The following AUTS2 variants were observed in gnomAD, a reference collection of about 807,000 sequenced individuals.
AUTS2 encodes activator of transcription and developmental regulator AUTS2, also known as autism susceptibility gene 2 protein.
AUTS2 carries 17 observed loss-of-function variants against 112.4 expected under a neutral mutation model. The observed-to-expected ratio is 0.15, with a 90% CI of 0.10 to 0.23. AUTS2 has a LOEUF of 0.23. Among genes scored for constraint, AUTS2 ranks in the 10% least tolerant of loss-of-function variants. The pLI is 1.00. For missense variants in AUTS2, 1,510 were observed against 1,701.6 expected (o/e 0.89, Z 1.98); for synonymous variants, 751 against 702.7 (o/e 1.07, Z -1.09).
intron 6 of AUTS2, among the ~76,000 whole-genome samples, chr7:70,709,995 A>G (rs1279025166): frequency 6.6e-6 from 1 of 152,152 alleles, no homozygotes; most frequent in Non-Finnish European, 1.5e-5. Flanking sequence ...CAATTTGAAT[A>G]CCAGCTGTTA....
intron 5 of AUTS2, among the ~76,000 whole-genome samples, chr7:70,541,854 T>C (rs1006659573): frequency 6.6e-6 from 1 of 152,186 alleles, no homozygotes; most frequent in Non-Finnish European, 1.5e-5. Flanking sequence ...GGATTAAAGT[T>C]TGAGGTAGGC....
chr7:70,272,882 T>A (rs899796654), intron 4 of AUTS2, among the ~76,000 whole-genome samples: 5 of 152,112 alleles, frequency 3.3e-5, no homozygotes. Flanking sequence ...CCCAGCTACT[T>A]GGAAGGCTGT....
At chr7:70,126,773 G>A (rs777274443) in intron 3 of AUTS2, among the ~76,000 whole-genome samples, 6 of 152,142 alleles carry the variant, frequency 3.9e-5, no homozygotes, top group Non-Finnish European at 8.8e-5. Context: ...TTTAATAGAA[G>A]TTCTGCTATT....
intron 4 of AUTS2, among the ~76,000 whole-genome samples, chr7:70,309,595 A>G (rs1199646404): frequency 2.0e-5 from 3 of 152,228 alleles, no homozygotes; most frequent in Admixed American, 6.5e-5. Flanking sequence ...GATCACTTAA[A>G]GAGATTGCAG....
At chr7:70,317,386 C>G (rs894306461) in intron 4 of AUTS2, among the ~76,000 whole-genome samples, 6 of 152,172 alleles carry the variant, frequency 3.9e-5, no homozygotes, top group African/African-American at 1.4e-4. Context: ...AACAATATTA[C>G]AGGAATATTG....
At chr7:69,701,094 C>G (rs1005268655) in intron 1 of AUTS2, among the ~76,000 whole-genome samples, 1 of 152,110 alleles carries the variant, frequency 6.6e-6, no homozygotes, top group Non-Finnish European at 1.5e-5. Context: ...TACCTAACCT[C>G]TTTGTACCTC....
At chr7:70,393,147 A>C (rs898838245) in intron 4 of AUTS2, among the ~76,000 whole-genome samples, 2 of 152,174 alleles carry the variant, frequency 1.3e-5, no homozygotes, top group Non-Finnish European at 2.9e-5. Context: ...GTGCATTTGC[A>C]CAGCAGCCCC....
At chr7:69,745,358 G>A (rs1186119252) in intron 1 of AUTS2, among the ~76,000 whole-genome samples, 2 of 152,144 alleles carry the variant, frequency 1.3e-5, no homozygotes, top group African/African-American at 4.8e-5. Context: ...TTTACAGATG[G>A]AGCAGATGCC....
At chr7:70,734,306 G>T (rs1018078156) in intron 6 of AUTS2, among the ~76,000 whole-genome samples, 1 of 152,016 alleles carries the variant, frequency 6.6e-6, no homozygotes, top group African/African-American at 2.4e-5. Context: ...TGGGCATGGT[G>T]GCCGGTGCCT....
At chr7:69,961,921 A>C (rs1256863722) in intron 2 of AUTS2, among the ~76,000 whole-genome samples, 4 of 152,146 alleles carry the variant, frequency 2.6e-5, no homozygotes, top group Non-Finnish European at 5.9e-5. Flanking sequence ...AGTATCAAGG[A>C]GCACCTCTGT....
At chr7:69,711,828 T>G (rs948585022) in intron 1 of AUTS2, among the ~76,000 whole-genome samples, 1 of 152,196 alleles carries the variant, frequency 6.6e-6, no homozygotes, top group Non-Finnish European at 1.5e-5. Flanking sequence ...TGTACATTTG[T>G]GTGTAATATG....
At chr7:69,770,341 G>A (rs1173976400) in intron 1 of AUTS2, among the ~76,000 whole-genome samples, 1 of 152,242 alleles carries the variant, frequency 6.6e-6, no homozygotes, top group African/African-American at 2.4e-5. Flanking sequence ...TGCGTATAAT[G>A]TGTGTGAATA....
At chr7:70,012,799 G>A (rs1177171635) in intron 2 of AUTS2, among the ~76,000 whole-genome samples, 2 of 152,102 alleles carry the variant, frequency 1.3e-5, no homozygotes, top group African/African-American at 4.8e-5. Context: ...ATGTGATGAT[G>A]GCTTTTCAGA....
chr7:69,994,659 G>C (rs1798869882), intron 2 of AUTS2, among the ~76,000 whole-genome samples: 2 of 152,130 alleles, frequency 1.3e-5, no homozygotes, highest in South Asian at 4.1e-4. Flanking sequence ...ATAAAATCGT[G>C]GAGTCTTAAC....
chr7:70,588,971 C>T (rs796105774), intron 5 of AUTS2, among the ~76,000 whole-genome samples: 5 of 152,268 alleles, frequency 3.3e-5, no homozygotes, highest in African/African-American at 1.2e-4. Context: ...ATTCAGACTC[C>T]GATCTATATA....
At chr7:69,745,583 A>G (rs142563572) in intron 1 of AUTS2, among the ~76,000 whole-genome samples, 5 of 152,340 alleles carry the variant, frequency 3.3e-5, no homozygotes, top group African/African-American at 1.2e-4. Flanking sequence ...TGGCTAGACT[A>G]ATATTACTTG....
chr7:70,426,689 G>A (rs1433270897), intron 4 of AUTS2, among the ~76,000 whole-genome samples: 1 of 152,106 alleles, frequency 6.6e-6, no homozygotes, highest in African/African-American at 2.4e-5. Flanking sequence ...ATGAGCTATG[G>A]CACTTTTGCA....
chr7:70,129,141 A>G (rs550727603), intron 3 of AUTS2, among the ~76,000 whole-genome samples: 3 of 152,362 alleles, frequency 2.0e-5, no homozygotes, highest in South Asian at 4.1e-4. Flanking sequence ...ACAAGTCCCA[A>G]GATCTACAAT....
At chr7:69,841,387 A>G (rs1291256382) in intron 1 of AUTS2, among the ~76,000 whole-genome samples, 1 of 152,070 alleles carries the variant, frequency 6.6e-6, no homozygotes, top group East Asian at 1.9e-4. Context: ...AAATGACCAG[A>G]TCTTTCAAGA....
Sources: gnomAD v4.1 joint callset for allele counts (sites outside exome capture counted in the v4.1 genomes callset) on GRCh38, gnomAD v4.1.1 for gene constraint, MANE v1.5 for transcripts, NCBI Gene and HGNC (gene_info 2026-07-23, HGNC 2026-07-21) for gene names.